The following CADPS2 variants were observed in gnomAD, a reference collection of about 807,000 sequenced individuals.
The protein encoded by CADPS2 is calcium dependent secretion activator 2.
Under a neutral mutation model 172.5 loss-of-function variants are expected in CADPS2, and 93 were observed. The observed-to-expected ratio is 0.54, with a 90% CI of 0.46 to 0.64. The LOEUF (loss-of-function observed/expected upper bound fraction) is 0.64. Among genes scored for constraint, CADPS2 ranks in the 30% least tolerant of loss-of-function variants. CADPS2 has a pLI of 0.00. For synonymous variants in CADPS2, 546 were observed against 555.2 expected, an observed-to-expected ratio of 0.98 and a Z score of 0.23; for missense variants, 1,420 against 1,565.9, an observed-to-expected ratio of 0.91 and a Z score of 1.57.
At chr7:122,427,828 T>C (rs1402969857) in intron 17 of CADPS2, among the ~76,000 whole-genome samples, 1 of 152,192 alleles carries the variant, frequency 6.6e-6, no homozygotes, top group Non-Finnish European at 1.5e-5. Context: ...TTTTGATGGA[T>C]ACTGCAATGA....
At chr7:122,594,094 A>C (rs1363658173) in intron 6 of CADPS2, among the ~76,000 whole-genome samples, 1 of 152,000 alleles carries the variant, frequency 6.6e-6, no homozygotes, top group Non-Finnish European at 1.5e-5. Context: ...CACTGAATAA[A>C]ATTTTTTATT....
chr7:122,697,611 CA>C (rs1253036376), intron 2 of CADPS2: 16 of 543,040 alleles, frequency 2.9e-5, no homozygotes, highest in East Asian at 1.2e-4. Flanking sequence ...CAAAATTGCA[CA>C]AAAAAAATCC....
At chr7:122,429,626 T>C (rs1229656967) in intron 17 of CADPS2, among the ~76,000 whole-genome samples, 1 of 152,128 alleles carries the variant, frequency 6.6e-6, no homozygotes, top group Non-Finnish European at 1.5e-5. Context: ...ACCTGTTCAA[T>C]TCTTTTTAGG....
intron 1 of CADPS2, among the ~76,000 whole-genome samples, chr7:122,822,659 T>C (rs960217074): frequency 6.6e-6 from 1 of 150,464 alleles, no homozygotes; most frequent in Non-Finnish European, 1.5e-5. Flanking sequence ...GAATATGCCC[T>C]GCCCCACCTT....
chr7:122,402,402 GC>G (rs1371739506), intron 20 of CADPS2, among the ~76,000 whole-genome samples: 6 of 152,250 alleles, frequency 3.9e-5, no homozygotes, highest in South Asian at 4.2e-4. Context: ...CTGCTGTCAA[GC>G]CCCCCGCCCG....
intron 5 of CADPS2, among the ~76,000 whole-genome samples, chr7:122,618,838 C>T (rs549383334): frequency 1.3e-5 from 2 of 152,268 alleles, no homozygotes; most frequent in Admixed American, 6.5e-5. Flanking sequence ...ACTGCACCAT[C>T]GTCACTTAAC....
chr7:122,839,917 A>G (rs1034256397), intron 1 of CADPS2, among the ~76,000 whole-genome samples: 1 of 152,240 alleles, frequency 6.6e-6, no homozygotes, highest in Non-Finnish European at 1.5e-5. Flanking sequence ...TGACCCAGCC[A>G]TCCCATTACT....
At chr7:122,643,805 C>T (rs988804379) in intron 3 of CADPS2, among the ~76,000 whole-genome samples, 5 of 151,974 alleles carry the variant, frequency 3.3e-5, no homozygotes, top group African/African-American at 4.8e-5. Context: ...AATATAAAAC[C>T]ATGGACTTGG....
intron 1 of CADPS2, among the ~76,000 whole-genome samples, chr7:122,762,841 T>A (rs1306311510): frequency 6.6e-6 from 1 of 152,098 alleles, no homozygotes; most frequent in Admixed American, 6.6e-5. Context: ...TTCATCACCC[T>A]ACCTTCCTTT....
chr7:122,332,955 A>G (rs549941088), intron 28 of CADPS2, among the ~76,000 whole-genome samples: 1 of 152,304 alleles, frequency 6.6e-6, no homozygotes, highest in East Asian at 1.9e-4. Flanking sequence ...AAAGACTAGT[A>G]ATTGGAAAGT....
At chr7:122,736,580 T>C (rs761517903) in intron 2 of CADPS2, among the ~76,000 whole-genome samples, 1 of 152,182 alleles carries the variant, frequency 6.6e-6, no homozygotes, top group Non-Finnish European at 1.5e-5. Context: ...CTTTAATTAT[T>C]ATAAAGCTTA....
intron 10 of CADPS2, 55 bp from the exon 11 acceptor site, chr7:122,490,336 G>A (rs969249409): frequency 3.9e-5 from 57 of 1,472,778 alleles, no homozygotes; most frequent in African/African-American, 3.1e-4. Flanking sequence ...GCAGATTTTC[G>A]TCTCATTCAC....
At chr7:122,822,924 G>T (rs1444276100) in intron 1 of CADPS2, among the ~76,000 whole-genome samples, 2 of 152,022 alleles carry the variant, frequency 1.3e-5, no homozygotes, top group Non-Finnish European at 2.9e-5. Context: ...CACCCCGCCT[G>T]CACCCAGGTG....
chr7:122,513,506 A>C (rs909390878), intron 8 of CADPS2, among the ~76,000 whole-genome samples, 191 bp from the exon 9 acceptor site: 1 of 152,228 alleles, frequency 6.6e-6, no homozygotes. Context: ...GGTTCTCGAA[A>C]GGGAATTGAT....
chr7:122,457,181 T>A (rs928626432), intron 14 of CADPS2, among the ~76,000 whole-genome samples: 1 of 152,092 alleles, frequency 6.6e-6, no homozygotes, highest in African/African-American at 2.4e-5. Context: ...AAGAAATATC[T>A]AAGAGAAAAA....
At chr7:122,566,070 C>T (rs1338574583) in intron 7 of CADPS2, among the ~76,000 whole-genome samples, 1 of 152,134 alleles carries the variant, frequency 6.6e-6, no homozygotes, top group East Asian at 1.9e-4. Flanking sequence ...TTTCATTTAG[C>T]ACAATGTCTC....
intron 1 of CADPS2, among the ~76,000 whole-genome samples, chr7:122,837,636 G>T (rs1389452688): frequency 6.6e-6 from 1 of 152,124 alleles, no homozygotes; most frequent in Non-Finnish European, 1.5e-5. Context: ...TACCATCAGA[G>T]AATACTATAA....
At chr7:122,711,861 C>T (rs1271734489) in intron 2 of CADPS2, among the ~76,000 whole-genome samples, 2 of 151,372 alleles carry the variant, frequency 1.3e-5, no homozygotes, top group Non-Finnish European at 2.9e-5. Flanking sequence ...CCATGTTGGT[C>T]AGGCTGGTCT....
intron 27 of CADPS2, among the ~76,000 whole-genome samples, chr7:122,345,918 CT>C (rs71159791): frequency 3.9e-4 from 54 of 138,734 alleles, no homozygotes; most frequent in Non-Finnish European, 5.0e-4. Context: ...CCGTAGATAT[CT>C]TTTTTTTTTT....
Sources: allele counts gnomAD v4.1 joint callset (sites outside exome capture counted in the v4.1 genomes callset), GRCh38; gene constraint gnomAD v4.1.1; transcripts MANE v1.5; gene names NCBI Gene and HGNC (gene_info 2026-07-23, HGNC 2026-07-21).